NDUFAF6: variants seen among roughly 807,000 people sequenced by gnomAD.
The protein encoded by NDUFAF6 is NADH dehydrogenase (ubiquinone) complex I, assembly factor 6.
NDUFAF6 carries 45 observed loss-of-function variants against 40.8 expected under a neutral mutation model. That is an observed-to-expected ratio of 1.10 (90% CI 0.87 to 1.42). The LOEUF is 1.42. Among genes scored for constraint, NDUFAF6 ranks in the 40% most tolerant of loss-of-function variants. NDUFAF6 has a pLI of 0.00. For synonymous variants in NDUFAF6, 185 were observed against 155.9 expected, an observed-to-expected ratio of 1.19 and a Z score of -1.39; for missense variants, 435 against 418.5, an observed-to-expected ratio of 1.04 and a Z score of -0.34.
At chr8:95,005,590 A>T (rs1247481989) in intron 2 of NDUFAF6, among the ~76,000 whole-genome samples, 2 of 142,184 alleles carry the variant, frequency 1.4e-5, no homozygotes, top group African/African-American at 5.3e-5. Flanking sequence ...TTTATTATTT[A>T]TTATTTTTAT....
chr8:95,084,064 T>G (rs1808963939), intron 2 of NDUFAF6, among the ~76,000 whole-genome samples: 1 of 152,226 alleles, frequency 6.6e-6, no homozygotes, highest in African/African-American at 2.4e-5. Context: ...TTGTGTAAGT[T>G]TGATAAATCA....
chr8:94,978,427 G>A (rs1446047738), intron 1 of NDUFAF6, among the ~76,000 whole-genome samples: 1 of 151,966 alleles, frequency 6.6e-6, no homozygotes, highest in Non-Finnish European at 1.5e-5. Context: ...TAATAAGCTG[G>A]TAAACAGGCC....
chr8:95,030,383 GC>G (rs1229445288), intron 1 of NDUFAF6, among the ~76,000 whole-genome samples: 1 of 151,972 alleles, frequency 6.6e-6, no homozygotes, highest in Non-Finnish European at 1.5e-5. Flanking sequence ...ATGCCACCAT[GC>G]CCAGCTAATT....
In NDUFAF6 at chr8:94,976,875, G is replaced by T. The variant is rs186147163; in HGVS notation, c.-198-3984G>T. Among the ~76,000 whole-genome samples the T allele has an allele frequency of 2.6e-3, 391 of 152,252 alleles. 4 individuals carry two copies. The highest frequency in any genetic ancestry group is 8.8e-3 in the African/African-American group (367 of 41,540). On this transcript the variant is annotated intron_variant, in intron 1 of 9. Transcript: ENST00000396111. Reference sequence around the variant, plus strand: ...CAATTAAAAATGGTTCAGAGGCCAGGTACAGTGGCTCAGGCCTGTAATCTC... The same window carrying T: ...CAATTAAAAATGGTTCAGAGGCCAGTTACAGTGGCTCAGGCCTGTAATCTC...
At chr8:94,990,111 AG>A (rs1379929621) in intron 2 of NDUFAF6, among the ~76,000 whole-genome samples, 3 of 152,200 alleles carry the variant, frequency 2.0e-5, no homozygotes, top group Non-Finnish European at 4.4e-5. Flanking sequence ...AGTCAAGGAA[AG>A]GGTTGGCCTC....
At chr8:95,112,534 A>C (rs1810025685) in intron 4 of NDUFAF6, among the ~76,000 whole-genome samples, 1 of 152,174 alleles carries the variant, frequency 6.6e-6, no homozygotes, top group Non-Finnish European at 1.5e-5. Context: ...CTCTAAAACT[A>C]TGAGAGAGTG....
chr8:95,060,395 A>G (rs182173182), downstream of NDUFAF6, among the ~76,000 whole-genome samples: 7 of 152,368 alleles, frequency 4.6e-5, no homozygotes, highest in East Asian at 1.3e-3. Flanking sequence ...TATAAATTAC[A>G]GATTATTCTC....
chr8:94,971,796 G>T (rs949643514), intron 1 of NDUFAF6, among the ~76,000 whole-genome samples: 1 of 152,126 alleles, frequency 6.6e-6, no homozygotes, highest in African/African-American at 2.4e-5. Context: ...AAATTGGCAG[G>T]GTGTGGTGGC....
At chr8:94,934,037 A>G in intron 1 of NDUFAF6, among the ~76,000 whole-genome samples, 1 of 151,794 alleles carries the variant, frequency 6.6e-6, no homozygotes. Flanking sequence ...AGATTGCAAC[A>G]TTGTACTCCA....
intron 8 of NDUFAF6, chr8:95,055,096 T>C (rs1260765141): frequency 6.6e-6 from 1 of 152,230 alleles, no homozygotes; most frequent in Admixed American, 6.5e-5. Flanking sequence ...AGCTCTAATT[T>C]TGAGGTCACA....
At chr8:94,952,204 CAACA>C (rs780095298) in intron 2 of NDUFAF6, among the ~76,000 whole-genome samples, 1 of 152,188 alleles carries the variant, frequency 6.6e-6, no homozygotes, top group Admixed American at 6.5e-5. Context: ...ACATTCACAC[CAACA>C]AACAGATACA....
At chr8:94,930,340 T>C in intron 1 of NDUFAF6, 2 of 1,198,488 alleles carry the variant, frequency 1.7e-6, no homozygotes, top group Middle Eastern at 2.0e-4. Context: ...ATTTTCAAGA[T>C]AGTGTCTAAA....
At chr8:95,031,634 C>G (rs927222428) in intron 1 of NDUFAF6, among the ~76,000 whole-genome samples, 2 of 152,136 alleles carry the variant, frequency 1.3e-5, no homozygotes, top group African/African-American at 4.8e-5. Context: ...GAGTCTTGCT[C>G]TGTCACCCAG....
chr8:94,940,162 C>A, intron 1 of NDUFAF6: 1 of 1,614,148 alleles, frequency 6.2e-7, no homozygotes, highest in Non-Finnish European at 8.5e-7. Flanking sequence ...CAGTAGGTGA[C>A]TCTTCACTGA....
chr8:94,999,874 C>T (rs1452988454), intron 2 of NDUFAF6, among the ~76,000 whole-genome samples: 1 of 152,148 alleles, frequency 6.6e-6, no homozygotes, highest in Non-Finnish European at 1.5e-5. Flanking sequence ...ATTTATATGA[C>T]CATGACCACT....
chr8:94,935,124 T>TAG (rs1464221684), intron 1 of NDUFAF6, among the ~76,000 whole-genome samples: 4 of 115,222 alleles, frequency 3.5e-5, no homozygotes, highest in East Asian at 2.4e-4. Flanking sequence ...CATAGGTAGA[T>TAG]AGATATAGAT....
At chr8:95,018,077 C>T (rs1156360200) in intron 2 of NDUFAF6, among the ~76,000 whole-genome samples, 1 of 151,988 alleles carries the variant, frequency 6.6e-6, no homozygotes, top group Non-Finnish European at 1.5e-5. Context: ...GACAGGGTGT[C>T]GTTCTTTCAC....
intron 2 of NDUFAF6, among the ~76,000 whole-genome samples, chr8:94,946,696 C>CAAAAAAAAAAAAAAAAA (rs71273438): frequency 3.5e-4 from 12 of 34,694 alleles, no homozygotes; most frequent in African/African-American, 4.7e-4. Flanking sequence ...GACCCTGTCT[C>CAAAAAAAAAAAAAAAAA]AAAAAAAAAA....
At chr8:95,105,434 A>G (rs1809811058), downstream of NDUFAF6, among the ~76,000 whole-genome samples, 1 of 151,232 alleles carries the variant, frequency 6.6e-6, no homozygotes. Context: ...ATCATGGCTC[A>G]CTGCAGCCTC....
Sources: allele counts gnomAD v4.1 joint callset (sites outside exome capture counted in the v4.1 genomes callset), GRCh38; gene constraint gnomAD v4.1.1; transcripts MANE v1.5; gene names NCBI Gene and HGNC (gene_info 2026-07-23, HGNC 2026-07-21).